Variants in LRMDA observed in about 807,000 individuals in gnomAD.
LRMDA encodes leucine rich melanocyte differentiation associated.
In LRMDA, 18 loss-of-function variants were observed where a neutral mutation model predicts 29.8. That is an observed-to-expected ratio of 0.60 (90% CI 0.42 to 0.90). LRMDA has a LOEUF of 0.90. LRMDA is among the 40% of genes least tolerant of loss of function. LRMDA has a pLI of 0.00. For synonymous variants in LRMDA, 125 were observed against 109.4 expected (o/e 1.14, Z -0.89); for missense variants, 273 against 273.9 (o/e 1.00, Z 0.02).
At chr10:75,667,461 T>TA (rs1407688666) in intron 2 of LRMDA, among the ~76,000 whole-genome samples, 1 of 152,196 alleles carries the variant, frequency 6.6e-6, no homozygotes, top group Non-Finnish European at 1.5e-5. Context: ...ACAACACTGA[T>TA]ACATTTTTAA....
chr10:76,363,488 A>G (rs1841354486), intron 6 of LRMDA, among the ~76,000 whole-genome samples: 1 of 152,122 alleles, frequency 6.6e-6, no homozygotes, highest in Non-Finnish European at 1.5e-5. Flanking sequence ...CAAGATTAAT[A>G]TGCAAGTCAA....
chr10:75,510,881 A>G (rs1845217555), intron 2 of LRMDA, among the ~76,000 whole-genome samples: 3 of 152,200 alleles, frequency 2.0e-5, no homozygotes, highest in East Asian at 3.8e-4. Context: ...ATATCCAAAA[A>G]AGGCCAGGCC....
intron 2 of LRMDA, among the ~76,000 whole-genome samples, chr10:75,803,358 G>A (rs1843790529): frequency 6.6e-6 from 1 of 152,212 alleles, no homozygotes; most frequent in South Asian, 2.1e-4. Flanking sequence ...AGATGAGGAA[G>A]CACATAGTAT....
intron 2 of LRMDA, among the ~76,000 whole-genome samples, chr10:75,731,341 C>A (rs943225783): frequency 2.0e-5 from 3 of 152,118 alleles, no homozygotes; most frequent in Non-Finnish European, 4.4e-5. Flanking sequence ...ACTTCAACAC[C>A]CATCTCTGTT....
At chr10:76,227,704 T>C (rs1327593129) in intron 5 of LRMDA, among the ~76,000 whole-genome samples, 1 of 152,226 alleles carries the variant, frequency 6.6e-6, no homozygotes, top group African/African-American at 2.4e-5. Context: ...GCATATCCTA[T>C]AGTCTCTCAT....
At chr10:75,687,911 A>G (rs1279870513) in intron 2 of LRMDA, among the ~76,000 whole-genome samples, 2 of 152,250 alleles carry the variant, frequency 1.3e-5, no homozygotes, top group Non-Finnish European at 2.9e-5. Context: ...ATGGAACAAC[A>G]AAGTGTAGAT....
intron 6 of LRMDA, among the ~76,000 whole-genome samples, chr10:76,524,805 C>T (rs1029340657): frequency 6.6e-6 from 1 of 152,206 alleles, no homozygotes; most frequent in African/African-American, 2.4e-5. Context: ...TGGACAAAAA[C>T]AGGCTGAGAC....
At chr10:75,757,221 C>G (rs1417701076) in intron 2 of LRMDA, among the ~76,000 whole-genome samples, 1 of 152,194 alleles carries the variant, frequency 6.6e-6, no homozygotes, top group African/African-American at 2.4e-5. Flanking sequence ...CTGCTACCCT[C>G]CCAACCTCCC....
chr10:75,702,708 CA>C (rs1242331461), intron 2 of LRMDA, among the ~76,000 whole-genome samples: 3 of 152,142 alleles, frequency 2.0e-5, no homozygotes, highest in Non-Finnish European at 2.9e-5. Flanking sequence ...AATGTAAAAA[CA>C]AATAAAAGAT....
intron 5 of LRMDA, among the ~76,000 whole-genome samples, chr10:76,285,877 G>A (rs1013387525): frequency 1.3e-5 from 2 of 152,322 alleles, no homozygotes; most frequent in South Asian, 4.1e-4. Flanking sequence ...TCTCCCCAGT[G>A]CTAGAGTCCC....
intron 5 of LRMDA, among the ~76,000 whole-genome samples, chr10:76,133,267 C>T (rs184741552): frequency 1.3e-5 from 2 of 150,686 alleles, no homozygotes; most frequent in African/African-American, 2.4e-5. Flanking sequence ...ATATTTATTT[C>T]GTGTGTGTGT....
rs138650245 is a variant in LRMDA, at chr10:75,449,741, A to G, written c.131+11247A>G. Among the ~76,000 whole-genome samples the G allele has an allele frequency of 5.9e-5, 9 of 152,166 alleles. No individual in the cohort carries two copies. In the East Asian group the frequency reaches 7.7e-4, roughly 13 times the overall value. On this transcript the variant is annotated intron_variant, in intron 2 of 6. Coordinates refer to ENST00000611255, the MANE Select transcript of LRMDA (RefSeq NM_001305581.2). ...CTGGGAGGTGGGAGTTTCCCAGAGA[A>G]CTTATCTTCTTCTTTCTTCCTCTCC...
At chr10:76,054,685 A>G (rs558318207) in intron 4 of LRMDA, among the ~76,000 whole-genome samples, 2 of 151,532 alleles carry the variant, frequency 1.3e-5, no homozygotes, top group Admixed American at 1.3e-4. Context: ...CTGTCTGTAC[A>G]TGTCTTTATT....
chr10:75,605,360 T>G (rs1840943518), intron 2 of LRMDA, among the ~76,000 whole-genome samples: 1 of 152,230 alleles, frequency 6.6e-6, no homozygotes, highest in East Asian at 1.9e-4. Context: ...ACACCAGTCT[T>G]CAGTCAAGAG....
chr10:76,050,015 C>A (rs866172170), intron 4 of LRMDA, among the ~76,000 whole-genome samples: 1 of 152,160 alleles, frequency 6.6e-6, no homozygotes, highest in South Asian at 2.1e-4. Context: ...GAAGCAAGAA[C>A]CCATGGTTCA....
chr10:76,213,798 A>G (rs1367432728), intron 5 of LRMDA, among the ~76,000 whole-genome samples: 1 of 152,214 alleles, frequency 6.6e-6, no homozygotes, highest in Non-Finnish European at 1.5e-5. Flanking sequence ...ACAAATTATT[A>G]TTCACTGGGG....
At chr10:76,391,152 A>G (rs973579581) in intron 6 of LRMDA, among the ~76,000 whole-genome samples, 3 of 152,206 alleles carry the variant, frequency 2.0e-5, no homozygotes, top group Admixed American at 2.0e-4. Context: ...TGTTGGCAGA[A>G]TGTAGTCACA....
At chr10:76,527,571 T>C (rs1843191120) in intron 6 of LRMDA, among the ~76,000 whole-genome samples, 1 of 152,192 alleles carries the variant, frequency 6.6e-6, no homozygotes, top group Non-Finnish European at 1.5e-5. Flanking sequence ...TGATTTAACA[T>C]CTTTTTGCCT....
chr10:75,830,248 C>T (rs1844317148), intron 2 of LRMDA, among the ~76,000 whole-genome samples: 1 of 152,162 alleles, frequency 6.6e-6, no homozygotes, highest in African/African-American at 2.4e-5. Context: ...GGTCATTTCG[C>T]ATTATTCTGC....
Sources: allele counts gnomAD v4.1 joint callset (sites outside exome capture counted in the v4.1 genomes callset), GRCh38; gene constraint gnomAD v4.1.1; transcripts MANE v1.5; gene names NCBI Gene and HGNC (gene_info 2026-07-23, HGNC 2026-07-21).